PARP1: variants seen among roughly 807,000 people sequenced by gnomAD.
PARP1 encodes the protein poly(ADP-ribose) polymerase 1.
Under a neutral mutation model 118.7 loss-of-function variants are expected in PARP1, and 44 were observed. The observed-to-expected ratio is 0.37, with a 90% CI of 0.29 to 0.48. The LOEUF (loss-of-function observed/expected upper bound fraction) is 0.48, where lower values mean the gene tolerates loss of function less well. Ranked by LOEUF, PARP1 falls within the 20% of genes least tolerant of loss-of-function variation. PARP1 has a pLI of 0.99. For missense variants in PARP1, 1,100 were observed against 1,272.4 expected (o/e 0.86, Z 2.06); for synonymous variants, 492 against 483.2 (o/e 1.02, Z -0.24).
At chr1:226,365,748 T>TA (rs1490603405) in intron 18 of PARP1, among the ~76,000 whole-genome samples, 1 of 144,470 alleles carries the variant, frequency 6.9e-6, no homozygotes, top group African/African-American at 2.6e-5. Context: ...GCCTGGGTGA[T>TA]AGAGTGAGAC....
chr1:226,405,478 G>A (rs1221307307), intron 1 of PARP1, among the ~76,000 whole-genome samples: 1 of 151,978 alleles, frequency 6.6e-6, no homozygotes, highest in Non-Finnish European at 1.5e-5. Flanking sequence ...GCTAATCATT[G>A]CATTTTTTTG....
intron 14 of PARP1, 135 bp from the exon 15 acceptor site, chr1:226,370,652 A>G: frequency 6.8e-6 from 5 of 733,686 alleles, no homozygotes; most frequent in Middle Eastern, 3.1e-4. Context: ...TGAGGACACC[A>G]GTGACCCAAA....
intron 2 of PARP1, 188 bp downstream of exon 2, chr1:226,402,026 C>T: frequency 6.6e-7 from 1 of 1,504,634 alleles, no homozygotes. Context: ...AACAAAATAC[C>T]AAATATCATG....
intron 20 of PARP1, among the ~76,000 whole-genome samples, chr1:226,363,526 A>G (rs183765633): frequency 3.9e-5 from 6 of 152,306 alleles, no homozygotes; most frequent in Admixed American, 3.9e-4. Context: ...TCGATGTCCA[A>G]ATCAAGCTGG....
chr1:226,392,970 T>C, intron 2 of PARP1: 1 of 1,562,602 alleles, frequency 6.4e-7, no homozygotes, highest in Non-Finnish European at 8.6e-7. Flanking sequence ...TTCCACATGG[T>C]ATTGGAGGTT....
chr1:226,374,411 C>G (rs1805401), intron 13 of PARP1, 57 bp from the exon 14 acceptor site: 65,993 of 1,609,774 alleles, frequency 0.041, 1,622 homozygotes, highest in Non-Finnish European at 0.049. Flanking sequence ...AGCAAGGTAT[C>G]TGCGTCTGTG....
chr1:226,362,601 G>A (rs886426122), intron 21 of PARP1, among the ~76,000 whole-genome samples: 1 of 152,150 alleles, frequency 6.6e-6, no homozygotes, highest in Non-Finnish European at 1.5e-5. Context: ...ATTTCAAAGC[G>A]GCCACTTCAA....
chr1:226,399,297 C>G (rs527394498), intron 2 of PARP1, among the ~76,000 whole-genome samples: 2 of 152,114 alleles, frequency 1.3e-5, no homozygotes, highest in South Asian at 4.2e-4. Context: ...GTCTCGAACT[C>G]CTGACCTCGT....
At position 226,392,330 on chromosome 1, in the gene PARP1, G is replaced by C; in HGVS notation, c.287-16C>G. 1.3e-6 allele frequency: 2 copies of C among 1,572,696 alleles called. No individual in the cohort carries two copies. Among genetic ancestry groups the C allele is most frequent in the South Asian group, 2.2e-5 (2 of 90,194 alleles). On this transcript the variant is annotated splice_polypyrimidine_tract_variant and intron_variant, in intron 2 of 22. Transcript: ENST00000366794. ...TGGCCTTTGCCTGGAGAATCAAACA[G>C]ACAGCAATGCTCATCTCAACAGCCC...
intron 3 of PARP1, among the ~76,000 whole-genome samples, chr1:226,390,986 C>T (rs911043896): frequency 1.4e-5 from 2 of 146,202 alleles, no homozygotes; most frequent in Non-Finnish European, 1.5e-5. Context: ...CCTGCGTGGG[C>T]TTCCAATGCA....
At chr1:226,370,399 G>C in intron 15 of PARP1, 35 bp downstream of exon 15, 1 of 1,525,118 alleles carries the variant, frequency 6.6e-7, no homozygotes, top group South Asian at 1.1e-5. Context: ...GGCCAGAGGA[G>C]GGTTCCAGGA....
Position 226,361,560 on chromosome 1 carries a change from A to C in PARP1, c.2964-19T>G, listed in dbSNP as rs1407922104. On this transcript the variant is annotated intron_variant, in intron 22 of 22. Coordinates refer to ENST00000366794, the MANE Select transcript of PARP1 (RefSeq NM_001618.4). ...AATGTACCTGAGGGGAAGCTTGTTAAGGAGCCAACAGCCATACAACAGAGG... is the reference window on the plus strand; with the variant it reads ...AATGTACCTGAGGGGAAGCTTGTTACGGAGCCAACAGCCATACAACAGAGG... 5.2e-6 allele frequency: 8 copies of C among 1,533,284 alleles called. No homozygotes were observed. The East Asian group carries it at 9.0e-5, about 17-fold the overall frequency. 95.0% of individuals were successfully genotyped at this position (1,533,284 alleles called of 1,614,324 possible).
chr1:226,386,379 GGTCATTA>G lies in PARP1; in HGVS notation c.774_780del (p.Asn259Ter). ...TTGTTGAAGATGAGTAGCTCCTTCA[GGTCATTA>G]GTTGAACACACTTTCTTTAGCTCGT... On this transcript the variant is annotated frameshift_variant, in exon 6 of 23. Coordinates refer to ENST00000366794, the MANE Select transcript of PARP1 (RefSeq NM_001618.4). LOFTEE classifies it high-confidence loss of function. The G allele has an allele frequency of 6.2e-7, 1 of 1,614,066 alleles. No individual in the cohort carries two copies. Among genetic ancestry groups the G allele is most frequent in the South Asian group, 1.1e-5 (1 of 91,072 alleles).
intron 3 of PARP1, 61 bp from the exon 4 acceptor site, chr1:226,390,685 C>T (rs1261719627): frequency 5.4e-6 from 8 of 1,480,758 alleles, no homozygotes; most frequent in East Asian, 4.7e-5. Context: ...GAACATGATA[C>T]GGGCAGCCTG....
intron 2 of PARP1, among the ~76,000 whole-genome samples, chr1:226,398,239 T>C (rs933933073): frequency 6.6e-6 from 1 of 152,130 alleles, no homozygotes; most frequent in Non-Finnish European, 1.5e-5. Flanking sequence ...TCAAAAGACA[T>C]ATGACAAAGG....
intron 11 of PARP1, 48 bp from the exon 12 acceptor site, chr1:226,379,322 T>C (rs760693859): frequency 7.4e-6 from 12 of 1,612,334 alleles, no homozygotes; most frequent in Admixed American, 3.3e-5. Context: ...CTTGAGGTGC[T>C]AGCACTCTCA....
intron 1 of PARP1, among the ~76,000 whole-genome samples, chr1:226,407,444 G>C (rs1483578249): frequency 6.6e-6 from 1 of 151,184 alleles, no homozygotes; most frequent in African/African-American, 2.4e-5. Flanking sequence ...GAACAAGATA[G>C]GTCAAAATCA....
Position 226,381,380 on chromosome 1 carries a change from T to C in PARP1, c.1160-172A>G, listed in dbSNP as rs556116967. 1.6e-4 allele frequency among the ~76,000 whole-genome samples: 24 copies of C among 152,332 alleles called. No homozygotes were observed. In the Middle Eastern group the frequency reaches 0.017, roughly 108 times the overall value. Reference sequence around the variant, plus strand: ...AAGCTGCCACCTGAGTACCTACAGATGTCCCTCAGCACAGAAAGGACTGGG... The same window carrying C: ...AAGCTGCCACCTGAGTACCTACAGACGTCCCTCAGCACAGAAAGGACTGGG... On this transcript the variant is annotated intron_variant, in intron 8 of 22. Transcript: ENST00000366794.
intron 2 of PARP1, among the ~76,000 whole-genome samples, chr1:226,401,118 G>A (rs1422307351): frequency 6.6e-6 from 1 of 152,228 alleles, no homozygotes; most frequent in Admixed American, 6.5e-5. Context: ...GGAGAAAACT[G>A]TGGAGACAGT....
Sources: allele counts gnomAD v4.1 joint callset (sites outside exome capture counted in the v4.1 genomes callset), GRCh38; gene constraint gnomAD v4.1.1; transcripts MANE v1.5; gene names NCBI Gene and HGNC (gene_info 2026-07-23, HGNC 2026-07-21).